GPC5: variants seen among roughly 807,000 people sequenced by gnomAD.
GPC5 encodes the protein glypican 5.
In GPC5, 47 loss-of-function variants were observed where a neutral mutation model predicts 53.9. That is an observed-to-expected ratio of 0.87 (90% CI 0.69 to 1.11). The LOEUF (loss-of-function observed/expected upper bound fraction) is 1.11. GPC5 is among the 50% of genes most tolerant of loss of function. GPC5 has a pLI of 0.00. For synonymous variants in GPC5, 286 were observed against 263.3 expected, an observed-to-expected ratio of 1.09 and a Z score of -0.84; for missense variants, 748 against 713.1, an observed-to-expected ratio of 1.05 and a Z score of -0.56.
chr13:92,399,229 G>A (rs920368508), intron 7 of GPC5, among the ~76,000 whole-genome samples: 1 of 151,790 alleles, frequency 6.6e-6, no homozygotes, highest in Non-Finnish European at 1.5e-5. Flanking sequence ...AATAAATTAG[G>A]GTACCTACTC....
intron 7 of GPC5, among the ~76,000 whole-genome samples, chr13:92,785,903 A>T (rs1594506154): frequency 6.6e-6 from 1 of 152,192 alleles, no homozygotes; most frequent in Admixed American, 6.5e-5. Context: ...ATGAGTTCTT[A>T]TATGTTAAGT....
At chr13:91,637,555 G>A (rs2139461399) in intron 2 of GPC5, among the ~76,000 whole-genome samples, 1 of 152,292 alleles carries the variant, frequency 6.6e-6, no homozygotes, top group African/African-American at 2.4e-5. Context: ...AACAAGAAGT[G>A]ATAGTTGAGT....
chr13:91,481,960 C>T (rs1399440566), intron 2 of GPC5, among the ~76,000 whole-genome samples: 3 of 152,112 alleles, frequency 2.0e-5, no homozygotes, highest in Non-Finnish European at 4.4e-5. Flanking sequence ...TCGCATTACA[C>T]CTGATTCAAA....
chr13:91,464,268 G>A (rs574973874), intron 2 of GPC5, among the ~76,000 whole-genome samples: 1 of 152,216 alleles, frequency 6.6e-6, no homozygotes, highest in East Asian at 1.9e-4. Flanking sequence ...GATCACTGAG[G>A]CACTGTTCAT....
intron 7 of GPC5, among the ~76,000 whole-genome samples, chr13:92,576,514 C>T (rs1218793755): frequency 6.6e-6 from 1 of 152,186 alleles, no homozygotes; most frequent in Non-Finnish European, 1.5e-5. Context: ...AGGTGTTCAT[C>T]ACTAAAGCAA....
intron 2 of GPC5, among the ~76,000 whole-genome samples, chr13:91,684,648 T>C (rs1181543620): frequency 2.0e-5 from 3 of 152,198 alleles, no homozygotes; most frequent in Admixed American, 6.5e-5. Context: ...CCCATACTGT[T>C]AGCATAGCCT....
intron 7 of GPC5, among the ~76,000 whole-genome samples, chr13:92,372,726 T>C (rs922423643): frequency 1.3e-5 from 2 of 152,124 alleles, no homozygotes; most frequent in Admixed American, 1.3e-4. Context: ...GCCAATTGTA[T>C]TGGGAGACAG....
intron 7 of GPC5, among the ~76,000 whole-genome samples, chr13:92,656,991 T>G (rs548202598): frequency 1.3e-5 from 2 of 152,296 alleles, no homozygotes; most frequent in East Asian, 3.9e-4. Flanking sequence ...AAAAGTTTTT[T>G]TGATATTACA....
chr13:91,506,577 A>C (rs1884955913), intron 2 of GPC5, among the ~76,000 whole-genome samples: 1 of 152,194 alleles, frequency 6.6e-6, no homozygotes, highest in Non-Finnish European at 1.5e-5. Context: ...TGGATAATAC[A>C]GAGACAAAGT....
At chr13:92,555,341 T>C (rs1882457954) in intron 7 of GPC5, among the ~76,000 whole-genome samples, 1 of 151,534 alleles carries the variant, frequency 6.6e-6, no homozygotes, top group East Asian at 1.9e-4. Flanking sequence ...GAAATCCTCG[T>C]TGAAATATAC....
chr13:92,633,007 CA>C (rs973931894), intron 7 of GPC5, among the ~76,000 whole-genome samples: 1 of 152,166 alleles, frequency 6.6e-6, no homozygotes, highest in African/African-American at 2.4e-5. Flanking sequence ...TCTCCTGCCT[CA>C]GCCTCCTGAG....
intron 7 of GPC5, among the ~76,000 whole-genome samples, chr13:92,605,576 G>GTTTTTTTTTTTTTTT (rs55887927): frequency 7.2e-6 from 1 of 139,668 alleles, no homozygotes; most frequent in African/African-American, 2.8e-5. Flanking sequence ...GTATTCACTA[G>GTTTTTTTTTTTTTTT]TTTTTTTTTT....
At chr13:92,147,246 A>T (rs904416240) in intron 7 of GPC5, among the ~76,000 whole-genome samples, 3 of 152,054 alleles carry the variant, frequency 2.0e-5, no homozygotes, top group African/African-American at 7.2e-5. Flanking sequence ...TAGGAATTAT[A>T]ACACTTATCC....
intron 7 of GPC5, among the ~76,000 whole-genome samples, chr13:92,552,743 T>C (rs1882360540): frequency 6.6e-6 from 1 of 151,948 alleles, no homozygotes; most frequent in Non-Finnish European, 1.5e-5. Context: ...GTCCAAGAAA[T>C]GCTTTTCTAC....
At chr13:92,260,482 G>A (rs1269683698) in intron 7 of GPC5, among the ~76,000 whole-genome samples, 1 of 152,166 alleles carries the variant, frequency 6.6e-6, no homozygotes, top group African/African-American at 2.4e-5. Context: ...TCCGCATCAG[G>A]CCCGGCTCCT....
chr13:91,469,273 T>C (rs1439912465), intron 2 of GPC5, among the ~76,000 whole-genome samples: 1 of 152,056 alleles, frequency 6.6e-6, no homozygotes, highest in Non-Finnish European at 1.5e-5. Context: ...CATGTCCAGC[T>C]CATTTTTGTA....
At chr13:92,416,039 A>G (rs542170249) in intron 7 of GPC5, among the ~76,000 whole-genome samples, 7 of 152,346 alleles carry the variant, frequency 4.6e-5, no homozygotes, top group African/African-American at 1.4e-4. Context: ...TTTGATAAGC[A>G]GTGACACTGA....
At chr13:91,936,837 T>C (rs1230535472) in intron 6 of GPC5, among the ~76,000 whole-genome samples, 2 of 152,008 alleles carry the variant, frequency 1.3e-5, no homozygotes, top group Admixed American at 1.3e-4. Flanking sequence ...ACTAAGCAGC[T>C]GGAGATGAAT....
At chr13:91,754,749 G>A (rs2037253302) in intron 4 of GPC5, among the ~76,000 whole-genome samples, 1 of 152,110 alleles carries the variant, frequency 6.6e-6, no homozygotes, top group African/African-American at 2.4e-5. Flanking sequence ...ATTACAATTA[G>A]TAAAGACATA....
Sources: allele counts gnomAD v4.1 joint callset (sites outside exome capture counted in the v4.1 genomes callset), GRCh38; gene constraint gnomAD v4.1.1; transcripts MANE v1.5; gene names NCBI Gene and HGNC (gene_info 2026-07-23, HGNC 2026-07-21).